Variants in CDH4 observed in about 807,000 individuals in gnomAD.
CDH4 encodes the protein cadherin 4, also known as cadherin-4.
CDH4 carries 33 observed loss-of-function variants against 86.0 expected under a neutral mutation model. The observed-to-expected ratio is 0.38, with a 90% CI of 0.29 to 0.51. CDH4 has a LOEUF of 0.51. Among genes scored for constraint, CDH4 ranks in the 20% least tolerant of loss-of-function variants. The probability of loss-of-function intolerance (pLI) is 0.86; values close to 1 mark genes in which losing one functional copy is unlikely to be tolerated. For missense variants in CDH4, 1,114 were observed against 1,307.4 expected, an observed-to-expected ratio of 0.85 and a Z score of 2.28; for synonymous variants, 555 against 549.4, an observed-to-expected ratio of 1.01 and a Z score of -0.14.
At position 61,285,839 on chromosome 20, in the gene CDH4, C is replaced by T. The variant is rs565688287; in HGVS notation, c.169+30902C>T. 5.2e-5 allele frequency among the ~76,000 whole-genome samples: 8 copies of T among 152,390 alleles called. No individual in the cohort carries two copies. In the South Asian group the frequency reaches 1.7e-3, roughly 32 times the overall value. On this transcript the variant is annotated intron_variant, in intron 2 of 15. Coordinates refer to ENST00000614565, the MANE Select transcript of CDH4 (RefSeq NM_001794.5). ...GACGCCCCTGAAAGCCCACGTGGTT[C>T]TGGTGATGTTGCCCGGCTCACCTGG...
At chr20:61,520,723 C>T (rs1373128513) in intron 2 of CDH4, among the ~76,000 whole-genome samples, 1 of 152,204 alleles carries the variant, frequency 6.6e-6, no homozygotes. Context: ...AATCAGAGTG[C>T]ACGCCAAGGC....
chr20:61,331,947 C>A (rs947182150), intron 2 of CDH4, among the ~76,000 whole-genome samples: 5 of 152,178 alleles, frequency 3.3e-5, no homozygotes, highest in Non-Finnish European at 5.9e-5. Flanking sequence ...AGGGAGGTCG[C>A]CTGTGCGCCC....
chr20:61,340,261 A>C (rs1207278420), intron 2 of CDH4, among the ~76,000 whole-genome samples: 1 of 152,202 alleles, frequency 6.6e-6, no homozygotes, highest in Non-Finnish European at 1.5e-5. Flanking sequence ...CCTGAGTCAC[A>C]GTGTACAGTG....
At chr20:61,558,578 G>A (rs183124228) in intron 2 of CDH4, among the ~76,000 whole-genome samples, 17 of 152,356 alleles carry the variant, frequency 1.1e-4, no homozygotes, top group African/African-American at 3.6e-4. Context: ...CGCAGTGCAG[G>A]AGATGCTCAG....
intron 4 of CDH4, among the ~76,000 whole-genome samples, chr20:61,802,133 G>A (rs1269031028): frequency 1.3e-5 from 2 of 152,238 alleles, no homozygotes; most frequent in Non-Finnish European, 2.9e-5. Flanking sequence ...GCCAAAGACA[G>A]CTGCATTCAC....
intron 2 of CDH4, among the ~76,000 whole-genome samples, chr20:61,418,083 T>C (rs1600958860): frequency 6.6e-6 from 1 of 152,002 alleles, no homozygotes; most frequent in Admixed American, 6.6e-5. Context: ...AAATGGCAAA[T>C]GCTGATCAAG....
intron 8 of CDH4, among the ~76,000 whole-genome samples, chr20:61,909,671 T>G (rs76856670): frequency 0.01 from 1,563 of 152,252 alleles, 30 homozygotes; most frequent in African/African-American, 0.036. Flanking sequence ...TCTTCTCTTC[T>G]TTGTGAAATC....
intron 2 of CDH4, among the ~76,000 whole-genome samples, chr20:61,563,493 C>T (rs1018350893): frequency 2.0e-5 from 3 of 152,132 alleles, no homozygotes; most frequent in Admixed American, 6.5e-5. Context: ...TCTTTTGGGC[C>T]GACACATTCA....
chr20:61,331,636 G>GGCCC (rs1568801119), intron 2 of CDH4, among the ~76,000 whole-genome samples: 16 of 40,482 alleles, frequency 4.0e-4, no homozygotes, highest in Non-Finnish European at 6.6e-4. Flanking sequence ...TCCTGCCCCA[G>GGCCC]ACCCACCTCC....
intron 2 of CDH4, among the ~76,000 whole-genome samples, chr20:61,535,331 A>C (rs530945482): frequency 6.6e-6 from 1 of 152,322 alleles, no homozygotes; most frequent in East Asian, 1.9e-4. Flanking sequence ...CCAAGGGGAC[A>C]GCCCCGGGGC....
chr20:61,883,686 T>C (rs1984399118), intron 7 of CDH4, among the ~76,000 whole-genome samples: 1 of 152,138 alleles, frequency 6.6e-6, no homozygotes. Flanking sequence ...GAGAGGGAAG[T>C]GTTCTCCTCT....
chr20:61,703,010 C>T lies in CDH4; in HGVS notation c.170-40553C>T, dbSNP rs2087792726. ...GTGAAGACTTCCTCAACAAGCCTTT[C>T]TTCATCTCACTCTGCGTGCCGTGGT... On this transcript the variant is annotated intron_variant, in intron 2 of 15. Coordinates refer to ENST00000614565, the MANE Select transcript of CDH4 (RefSeq NM_001794.5). This position sits in a 1 kb window ranked among gnomAD's most constrained non-coding sequence, Gnocchi z 4.3. Among the ~76,000 whole-genome samples, 4 of 152,134 alleles carry T rather than the reference C, an allele frequency of 2.6e-5. No individual in the cohort carries two copies. In the South Asian group the frequency reaches 6.2e-4, roughly 24 times the overall value.
chr20:61,745,050 C>T (rs1261856336), intron 3 of CDH4, among the ~76,000 whole-genome samples: 1 of 152,214 alleles, frequency 6.6e-6, no homozygotes, highest in Non-Finnish European at 1.5e-5. Flanking sequence ...CCTCCAGATC[C>T]CCCCAGTTAA....
At chr20:61,614,593 G>A (rs1440615245) in intron 2 of CDH4, among the ~76,000 whole-genome samples, 1 of 152,068 alleles carries the variant, frequency 6.6e-6, no homozygotes, top group African/African-American at 2.4e-5. Flanking sequence ...CGCTGACGTG[G>A]GCAATTAGTG....
At chr20:61,402,679 C>T (rs1317671052) in intron 2 of CDH4, among the ~76,000 whole-genome samples, 3 of 152,212 alleles carry the variant, frequency 2.0e-5, no homozygotes, top group Admixed American at 6.5e-5. Flanking sequence ...GCATGAGCCA[C>T]TGTGCCTGGC....
intron 4 of CDH4, among the ~76,000 whole-genome samples, chr20:61,836,400 C>A (rs16985645): frequency 0.026 from 3,923 of 152,266 alleles, 136 homozygotes; most frequent in East Asian, 0.098. Context: ...CATATTCATG[C>A]CTTTTATTAG....
intron 2 of CDH4, among the ~76,000 whole-genome samples, chr20:61,431,359 G>GTTTTT (rs34959436): frequency 1.5e-5 from 2 of 129,980 alleles, no homozygotes; most frequent in Admixed American, 7.9e-5. Flanking sequence ...TTTTTTGTTG[G>GTTTTT]TTTTTTTTTT....
At chr20:61,326,698 G>T (rs1046509208) in intron 2 of CDH4, among the ~76,000 whole-genome samples, 1 of 152,174 alleles carries the variant, frequency 6.6e-6, no homozygotes, top group Non-Finnish European at 1.5e-5. Flanking sequence ...GTGTCGGGTG[G>T]TGAAATTCCA....
chr20:61,391,965 A>T (rs1052596394), intron 2 of CDH4, among the ~76,000 whole-genome samples: 1 of 151,990 alleles, frequency 6.6e-6, no homozygotes, highest in Non-Finnish European at 1.5e-5. Context: ...AAGATGAGCA[A>T]TTGGGAGAAA....
Sources: allele counts gnomAD v4.1 joint callset (sites outside exome capture counted in the v4.1 genomes callset), GRCh38; gene constraint gnomAD v4.1.1; non-coding constraint Gnocchi (gnomAD v3.1); transcripts MANE v1.5; gene names NCBI Gene and HGNC (gene_info 2026-07-23, HGNC 2026-07-21).